Variants in AMPH observed in about 807,000 individuals in gnomAD.
AMPH encodes amphiphysin.
AMPH carries 49 observed loss-of-function variants against 99.1 expected under a neutral mutation model. The observed-to-expected ratio is 0.49, with a 90% CI of 0.39 to 0.63. The LOEUF is 0.63. AMPH is among the 20% of genes least tolerant of loss of function. The pLI is 0.00. For synonymous variants in AMPH, 314 were observed against 317.3 expected, an observed-to-expected ratio of 0.99 and a Z score of 0.11; for missense variants, 759 against 863.4, an observed-to-expected ratio of 0.88 and a Z score of 1.52.
At chr7:38,440,779 T>C (rs1395278597) in intron 11 of AMPH, among the ~76,000 whole-genome samples, 1 of 152,052 alleles carries the variant, frequency 6.6e-6, no homozygotes, top group Admixed American at 6.6e-5. Flanking sequence ...AACAATGTTA[T>C]AGCTAATAAG....
At chr7:38,562,644 T>G (rs1791595508) in intron 1 of AMPH, among the ~76,000 whole-genome samples, 2 of 148,112 alleles carry the variant, frequency 1.4e-5, no homozygotes, top group Non-Finnish European at 1.5e-5. Context: ...AATCATGATA[T>G]GAGCACAAAA....
intron 9 of AMPH, among the ~76,000 whole-genome samples, chr7:38,464,327 A>G (rs1295266792): frequency 6.6e-6 from 1 of 152,132 alleles, no homozygotes; most frequent in Non-Finnish European, 1.5e-5. Context: ...CTAGCCCCAT[A>G]CTGAAATAAC....
At chr7:38,485,366 G>C (rs1788449666) in intron 5 of AMPH, among the ~76,000 whole-genome samples, 1 of 151,862 alleles carries the variant, frequency 6.6e-6, no homozygotes, top group African/African-American at 2.4e-5. Context: ...TTCCAAAACT[G>C]TCACAAGAGA....
intron 17 of AMPH, among the ~76,000 whole-genome samples, chr7:38,406,590 T>C (rs1784990398): frequency 6.6e-6 from 1 of 151,932 alleles, no homozygotes; most frequent in Admixed American, 6.6e-5. Context: ...TTTGAGTCAG[T>C]GGACTGGGAG....
At chr7:38,620,702 T>C (rs991662965) in intron 1 of AMPH, among the ~76,000 whole-genome samples, 1 of 152,118 alleles carries the variant, frequency 6.6e-6, no homozygotes, top group Non-Finnish European at 1.5e-5. Context: ...ATAAGGGCTT[T>C]CTTTTTTTTG....
At chr7:38,615,698 A>G (rs1334444039) in intron 1 of AMPH, among the ~76,000 whole-genome samples, 1 of 152,130 alleles carries the variant, frequency 6.6e-6, no homozygotes, top group Non-Finnish European at 1.5e-5. Flanking sequence ...TGCCCCTCTC[A>G]CCAGCCTAGG....
At chr7:38,421,825 GC>G (rs1333089354) in intron 16 of AMPH, among the ~76,000 whole-genome samples, 5 of 152,164 alleles carry the variant, frequency 3.3e-5, no homozygotes, top group Admixed American at 6.5e-5. Flanking sequence ...TTACTAGTAA[GC>G]TTTAAGCTGT....
chr7:38,585,341 C>T (rs1792606946), intron 1 of AMPH, among the ~76,000 whole-genome samples: 1 of 152,102 alleles, frequency 6.6e-6, no homozygotes, highest in South Asian at 2.1e-4. Context: ...ATCCTTTCTC[C>T]AGTTGGCAGG....
intron 1 of AMPH, among the ~76,000 whole-genome samples, chr7:38,579,568 A>G (rs534148781): frequency 1.3e-5 from 2 of 152,342 alleles, no homozygotes; most frequent in South Asian, 4.1e-4. Flanking sequence ...ACTTATGTTC[A>G]GGTATCGGTT....
intron 11 of AMPH, among the ~76,000 whole-genome samples, chr7:38,437,440 A>G (rs1160192683): frequency 6.6e-6 from 1 of 152,024 alleles, no homozygotes. Context: ...GAAGAATAGG[A>G]GTTATTCTAA....
chr7:38,548,527 G>A (rs1791069632), intron 1 of AMPH, among the ~76,000 whole-genome samples: 1 of 152,056 alleles, frequency 6.6e-6, no homozygotes, highest in Non-Finnish European at 1.5e-5. Context: ...AAAATGAAGT[G>A]GCATCATTCA....
intron 1 of AMPH, among the ~76,000 whole-genome samples, chr7:38,571,563 TATAC>T (rs1792039402): frequency 7.1e-6 from 1 of 141,812 alleles, no homozygotes; most frequent in African/African-American, 2.6e-5. Flanking sequence ...TATTTATACT[TATAC>T]ATAAATTTAA....
At chr7:38,548,027 ATTTTTT>A (rs34488266) in intron 1 of AMPH, among the ~76,000 whole-genome samples, 3 of 126,008 alleles carry the variant, frequency 2.4e-5, no homozygotes, top group Admixed American at 7.9e-5. Context: ...TTGTGGGCAA[ATTTTTT>A]TTTTTTTTTT....
intron 1 of AMPH, among the ~76,000 whole-genome samples, chr7:38,543,659 T>C (rs1337364115): frequency 6.6e-6 from 1 of 152,116 alleles, no homozygotes; most frequent in Non-Finnish European, 1.5e-5. Flanking sequence ...ATTAGAGAGG[T>C]GAAGTAATTG....
intron 1 of AMPH, among the ~76,000 whole-genome samples, chr7:38,556,956 A>C (rs894321817): frequency 6.6e-6 from 1 of 152,152 alleles, no homozygotes; most frequent in Non-Finnish European, 1.5e-5. Flanking sequence ...AATGAAAGAG[A>C]GGCAAGAAAG....
intron 1 of AMPH, among the ~76,000 whole-genome samples, chr7:38,580,760 C>T (rs1036242902): frequency 1.4e-5 from 2 of 147,182 alleles, no homozygotes; most frequent in African/African-American, 5.0e-5. Context: ...CAAAGCAGAG[C>T]CCCACACTGA....
intron 11 of AMPH, among the ~76,000 whole-genome samples, chr7:38,440,878 G>T (rs1311924766): frequency 6.6e-6 from 1 of 151,856 alleles, no homozygotes; most frequent in South Asian, 2.1e-4. Context: ...GAGAGACAAT[G>T]GAAAACAAGT....
At chr7:38,442,705 G>A (rs191815302) in intron 11 of AMPH, among the ~76,000 whole-genome samples, 23 of 152,062 alleles carry the variant, frequency 1.5e-4, no homozygotes, top group Admixed American at 9.2e-4. Context: ...CAGTACTTAC[G>A]GAAAATTTAT....
chr7:38,444,881 T>G lies in AMPH; in HGVS notation c.1018-8493A>C, dbSNP rs113227338. 1.1e-4 allele frequency among the ~76,000 whole-genome samples: 16 copies of G among 151,696 alleles called. No homozygotes were observed. In the East Asian group the frequency reaches 1.4e-3, roughly 13 times the overall value. On this transcript the variant is annotated intron_variant, in intron 11 of 20. Coordinates refer to ENST00000356264, the MANE Select transcript of AMPH (RefSeq NM_001635.4). The stretch of plus-strand genomic sequence containing the variant: ...AAAGACTAACCCTACTGACCCTGAT[T>G]TCAAGATATCATAAAATGACAATAA...
Sources: allele counts gnomAD v4.1 joint callset (sites outside exome capture counted in the v4.1 genomes callset), GRCh38; gene constraint gnomAD v4.1.1; transcripts MANE v1.5; gene names NCBI Gene and HGNC (gene_info 2026-07-23, HGNC 2026-07-21).